The following ALYREF variants were observed in gnomAD, a reference collection of about 807,000 sequenced individuals.
ALYREF encodes Aly/REF export factor.
In ALYREF, 1 loss-of-function variant was observed where a neutral mutation model predicts 25.2. That is an observed-to-expected ratio of 0.04 (90% CI 0.01 to 0.19). The LOEUF is 0.19. Among genes scored for constraint, ALYREF ranks in the 10% least tolerant of loss-of-function variants. ALYREF has a pLI of 1.00. For synonymous variants in ALYREF, 193 were observed against 153.5 expected, an observed-to-expected ratio of 1.26 and a Z score of -1.90; for missense variants, 328 against 375.6, an observed-to-expected ratio of 0.87 and a Z score of 1.05.
intron 2 of ALYREF, among the ~76,000 whole-genome samples, chr17:81,890,441 C>T (rs1002588419): frequency 5.3e-5 from 8 of 152,176 alleles, no homozygotes; most frequent in African/African-American, 1.9e-4. Flanking sequence ...AACTGGAAGC[C>T]CTGGCAGGGG....
Position 81,888,730 on chromosome 17 carries a change from C to T in ALYREF, c.539-147G>A. 1 of 1,469,570 alleles carries T rather than the reference C, an allele frequency of 6.8e-7. No homozygotes were observed. Among genetic ancestry groups the T allele is most frequent in the Non-Finnish European group, 9.0e-7 (1 of 1,106,194 alleles). The allele number at this position is 1,469,570 out of a possible 1,614,324, so 91.0% of individuals were successfully genotyped here. On this transcript the variant is annotated intron_variant, in intron 3 of 5. Coordinates refer to ENST00000505490, the MANE Select transcript of ALYREF (RefSeq NM_005782.4). The surrounding 1 kb of genome is among the most constrained non-coding windows in gnomAD (Gnocchi z 5.8). The stretch of plus-strand genomic sequence containing the variant: ...CGACAAGGGAAATGGCCTGGAGATA[C>T]TGGTGGGAGAACAAAATGGCAAGGA...
At position 81,887,987 on chromosome 17, in the gene ALYREF, C is replaced by A. The variant is rs910914455; in HGVS notation, c.*144G>T. On this transcript the variant is annotated 3_prime_UTR_variant, in exon 6 of 6. Coordinates refer to ENST00000505490, the MANE Select transcript of ALYREF (RefSeq NM_005782.4). The stretch of plus-strand genomic sequence containing the variant: ...AAAAAAAAAAAAGAAAAAAAAAAAA[C>A]CTTTACATGAGTTTTTAAATCCTAT... 63 of 794,466 alleles carry A rather than the reference C, an allele frequency of 7.9e-5. No homozygotes were observed. Among genetic ancestry groups the A allele is most frequent in the South Asian group, 2.0e-4 (7 of 35,656 alleles). 49.2% of individuals were successfully genotyped at this position (794,466 alleles called of 1,614,324 possible).
At chr17:81,889,634 T>C (rs1245342710) in intron 2 of ALYREF, 4 of 361,066 alleles carry the variant, frequency 1.1e-5, no homozygotes, top group South Asian at 6.2e-5. Context: ...CAAAGGAAAA[T>C]GTACAACACA....
chr17:81,888,045 G>C lies in ALYREF; in HGVS notation c.*86C>G. 1 of 1,521,566 alleles carries C rather than the reference G, an allele frequency of 6.6e-7. No individual in the cohort carries two copies. The highest frequency in any genetic ancestry group is 2.3e-5 in the East Asian group (1 of 44,032). 94.3% of individuals were successfully genotyped at this position (1,521,566 alleles called of 1,614,324 possible). On this transcript the variant is annotated 3_prime_UTR_variant, in exon 6 of 6. Transcript: ENST00000505490. The surrounding 1 kb of genome is among the most constrained non-coding windows in gnomAD (Gnocchi z 5.8). ...CATAAAAGAAACAAATCCATCATTG[G>C]CCGCACAGCCCCAGCCACCGCCCCC...
chr17:81,889,222 G>A lies in ALYREF; in HGVS notation c.498C>T (p.Ala166=), dbSNP rs757905182. 4 of 1,614,066 alleles carry A rather than the reference G, an allele frequency of 2.5e-6. No homozygotes were observed. Among genetic ancestry groups the A allele is most frequent in the South Asian group, 1.1e-5 (1 of 91,074 alleles). Residue 166 remains alanine (A), a synonymous_variant, in exon 3 of 6, where the codon GCC becomes GCT. Transcript: ENST00000505490. ...ADVHFERKAD[A]LKAMKQYNGV... is the part of the protein sequence containing the mutation. The stretch of plus-strand genomic sequence containing the variant: ...CGTTGTACTGCTTCATGGCCTTCAG[G>A]GCATCTGCCTTCCGCTCAAAGTGCA...
Position 81,890,970 on chromosome 17 carries a change from C to T in ALYREF, c.259-150G>A. On this transcript the variant is annotated intron_variant, in intron 1 of 5. Transcript: ENST00000505490. ...AGCGCTCCCTCCGGCGCTGCAGCTG[C>T]CCCAGCCCGAGGCCGCACGGTCCCA... 2.4e-6 allele frequency: 3 copies of T among 1,231,820 alleles called. No homozygotes were observed. The South Asian group carries it at 4.4e-5, about 18-fold the overall frequency. The allele number at this position is 1,231,820 out of a possible 1,614,324, so 76.3% of individuals were successfully genotyped here.
rs771825297 is a variant in ALYREF, at chr17:81,888,587, C to A, written c.539-4G>T. The A allele has an allele frequency of 1.9e-6, 3 of 1,587,562 alleles. No individual in the cohort carries two copies. The highest frequency in any genetic ancestry group is 2.3e-5 in the East Asian group (1 of 44,046). ...AGCTGAATGTTCATGGGGCGGCCTG[C>A]GGCAAAGAATACGAGAAGGCACGTT... On this transcript the variant is annotated splice_region_variant and splice_polypyrimidine_tract_variant and intron_variant, in intron 3 of 5. Coordinates refer to ENST00000505490, the MANE Select transcript of ALYREF (RefSeq NM_005782.4). This position sits in a 1 kb window ranked among gnomAD's most constrained non-coding sequence, Gnocchi z 5.8.
intron 2 of ALYREF, among the ~76,000 whole-genome samples, chr17:81,889,596 C>T (rs1014165068): frequency 1.3e-5 from 2 of 152,202 alleles, no homozygotes; most frequent in African/African-American, 4.8e-5. Context: ...TAGCAACGGG[C>T]ACAAAATTAA....
intron 2 of ALYREF, among the ~76,000 whole-genome samples, chr17:81,890,150 T>TA (rs1567862626): frequency 6.6e-6 from 1 of 152,130 alleles, no homozygotes; most frequent in East Asian, 1.9e-4. Context: ...TTTCTTTTTT[T>TA]AAAAAAGAAA....
intron 2 of ALYREF, among the ~76,000 whole-genome samples, chr17:81,890,420 T>C (rs1173349471): frequency 6.6e-6 from 1 of 152,214 alleles, no homozygotes; most frequent in Non-Finnish European, 1.5e-5. Flanking sequence ...TCAGTCTTTG[T>C]CCCTGTTAGA....
At position 81,891,515 on chromosome 17, in the gene ALYREF, C is replaced by T. The variant is rs777709104; in HGVS notation, c.66G>A (p.Leu22=). The part of the protein sequence containing the change: ...MDMSLDDIIK[L]NRSQRGGRGG... ...CCCGGCCGCCTCGCTGGCTCCGGTTCAGTTTAATGATGTCGTCCAGAGACA... is the reference window on the plus strand; with the variant it reads ...CCCGGCCGCCTCGCTGGCTCCGGTTTAGTTTAATGATGTCGTCCAGAGACA... Residue 22 remains leucine, a synonymous_variant, in exon 1 of 6, where the codon CTG becomes CTA. Coordinates refer to ENST00000505490, the MANE Select transcript of ALYREF (RefSeq NM_005782.4). 11 of 1,366,750 alleles carry T rather than the reference C, an allele frequency of 8.0e-6. No individual in the cohort carries two copies. In the South Asian group the frequency reaches 1.4e-4, roughly 18 times the overall value. 84.7% of individuals were successfully genotyped at this position (1,366,750 alleles called of 1,614,324 possible). A position where few individuals can be genotyped will look rare whatever the true frequency, so the allele number is the denominator to read the frequency against.
intron 1 of ALYREF, 80 bp from the exon 2 acceptor site, chr17:81,890,900 C>T: frequency 1.3e-6 from 2 of 1,589,028 alleles, no homozygotes; most frequent in Non-Finnish European, 1.7e-6. Flanking sequence ...ACTCCGGACC[C>T]TTCCTCTTCC....
rs2039525152 is a variant in ALYREF, at chr17:81,891,337, C to T, written c.244G>A (p.Ala82Thr). Residue 82 changes from alanine (A) to threonine (T), a missense_variant, in exon 1 of 6, where the codon GCG becomes ACG. By Grantham distance (58) the Ala-to-Thr change is moderately conservative. Coordinates refer to ENST00000505490, the MANE Select transcript of ALYREF (RefSeq NM_005782.4). ...AAGGGGRNRP[A>T]PYSRPKQLPD... ...TCCGCACTCACCCTGCTGTAGGGCG[C>T]CGGTCGGTTCCTGCCGCCTCCGCCG... 1 of 1,163,788 alleles carries T rather than the reference C, an allele frequency of 8.6e-7. No individual in the cohort carries two copies. Among genetic ancestry groups the T allele is most frequent in the Non-Finnish European group, 1.1e-6 (1 of 943,472 alleles). The allele number at this position is 1,163,788 out of a possible 1,614,324, so 72.1% of individuals were successfully genotyped here.
intron 2 of ALYREF, chr17:81,889,682 C>G (rs2039477472): frequency 4.3e-6 from 1 of 234,638 alleles, no homozygotes; most frequent in Non-Finnish European, 8.7e-6. Flanking sequence ...AGGCCAAAAT[C>G]AAGAGCAAGG....
At position 81,891,555 on chromosome 17, in the gene ALYREF, G is replaced by A. The variant is rs1236752861; in HGVS notation, c.26C>T (p.Ala9Val). 2 of 1,437,194 alleles carry A rather than the reference G, an allele frequency of 1.4e-6. No homozygotes were observed. Among genetic ancestry groups the A allele is most frequent in the Non-Finnish European group, 1.8e-6 (2 of 1,094,360 alleles). 89.0% of individuals were successfully genotyped at this position (1,437,194 alleles called of 1,614,324 possible). ...GTCCAGAGACATGTCCATTTTGTCGGCCATGGCGGGCGCGGAATCGGGCAT... is the reference window on the plus strand; with the variant it reads ...GTCCAGAGACATGTCCATTTTGTCGACCATGGCGGGCGCGGAATCGGGCAT... MPDSAPAM[A>V]DKMDMSLDDI... The change falls in exon 1 of 6, where the codon GCC (alanine) becomes GTC (valine). Residue 9 changes from alanine to valine, a missense_variant. Transcript: ENST00000505490.
At chr17:81,889,468 G>A (rs1447461287) in intron 2 of ALYREF, 139 bp from the exon 3 acceptor site, 3 of 972,124 alleles carry the variant, frequency 3.1e-6, no homozygotes, top group Non-Finnish European at 4.7e-6. Flanking sequence ...GGGAAATGAG[G>A]GAAGGGCGGG....
chr17:81,891,454 C>G lies in ALYREF; in HGVS notation c.127G>C (p.Gly43Arg). ...GCCTGCGCCCCACCGCCGCGGCCGC[C>G]CTGGGAGCCGGCCCGGCCGCGGCCC... ...GRGRGRAGSQ[G>R]GRGGGAQAAA... is the part of the protein sequence containing the mutation. Residue 43 changes from glycine to arginine, a missense_variant, in exon 1 of 6, where the codon GGC becomes CGC. By Grantham distance (125) the Gly-to-Arg change is moderately radical. Coordinates refer to ENST00000505490, the MANE Select transcript of ALYREF (RefSeq NM_005782.4). 1 of 1,044,778 alleles carries G rather than the reference C, an allele frequency of 9.6e-7. No individual in the cohort carries two copies. The highest frequency in any genetic ancestry group is 8.3e-5 in the East Asian group (1 of 12,014). 64.7% of individuals were successfully genotyped at this position (1,044,778 alleles called of 1,614,324 possible).
chr17:81,889,529 A>G (rs2039474418), intron 2 of ALYREF, among the ~76,000 whole-genome samples, 200 bp from the exon 3 acceptor site: 1 of 152,172 alleles, frequency 6.6e-6, no homozygotes, highest in African/African-American at 2.4e-5. Context: ...GGCTCCTGCC[A>G]TTGTGGGGAC....
chr17:81,888,170 T>A lies in ALYREF; in HGVS notation c.781-25A>T. The stretch of plus-strand genomic sequence containing the variant: ...TCTGAAACACAGAGGAGAAAGAGGC[T>A]TGCATTCACAGGCGGCCTGCTCCCC... On this transcript the variant is annotated intron_variant, in intron 5 of 5. Transcript: ENST00000505490. The surrounding 1 kb of genome is among the most constrained non-coding windows in gnomAD (Gnocchi z 5.8). 1 of 1,614,152 alleles carries A rather than the reference T, an allele frequency of 6.2e-7. No individual in the cohort carries two copies. Among genetic ancestry groups the A allele is most frequent in the East Asian group, 2.2e-5 (1 of 44,872 alleles).
Sources: gnomAD v4.1 joint callset for allele counts (sites outside exome capture counted in the v4.1 genomes callset) on GRCh38, gnomAD v4.1.1 for gene constraint, Gnocchi (gnomAD v3.1) non-coding constraint, MANE v1.5 for transcripts, NCBI Gene and HGNC (gene_info 2026-07-23, HGNC 2026-07-21) for gene names.